PLEKHG5: variants seen among roughly 807,000 people sequenced by gnomAD.
The protein encoded by PLEKHG5 is pleckstrin homology and RhoGEF domain containing G5.
PLEKHG5 carries 52 observed loss-of-function variants against 103.8 expected under a neutral mutation model. The observed-to-expected ratio is 0.50, with a 90% CI of 0.40 to 0.63. PLEKHG5 has a LOEUF of 0.63. PLEKHG5 is among the 30% of genes least tolerant of loss of function. The probability of loss-of-function intolerance (pLI) is 0.00; values close to 1 mark genes in which losing one functional copy is unlikely to be tolerated. For synonymous variants in PLEKHG5, 592 were observed against 575.5 expected (o/e 1.03, Z -0.41); for missense variants, 1,205 against 1,347.6 (o/e 0.89, Z 1.66).
intron 1 of PLEKHG5, 35 bp from the exon 2 acceptor site, chr1:6,477,693 G>A (rs761696665): frequency 4.1e-5 from 66 of 1,594,254 alleles, no homozygotes; most frequent in Non-Finnish European, 5.0e-5. Flanking sequence ...GGAGGTCCAC[G>A]AGATCCACCA....
intron 9 of PLEKHG5, 107 bp from the exon 10 acceptor site, chr1:6,472,729 G>T: frequency 1.2e-6 from 1 of 827,438 alleles, no homozygotes; most frequent in Non-Finnish European, 2.0e-6. Context: ...TGGGGACATG[G>T]AGGTCCCAAG....
In PLEKHG5 at chr1:6,487,906, T is replaced by C. The variant is rs993769086; in HGVS notation, c.-88+3731A>G. 7.9e-5 allele frequency among the ~76,000 whole-genome samples: 12 copies of C among 152,144 alleles called. No homozygotes were observed. The highest frequency in any genetic ancestry group is 2.4e-4 in the African/African-American group (10 of 41,428). Reference sequence around the variant, plus strand: ...GTGCGCTTGGTGGGGATGAGATCAGTGAACAGATGAAGGCAGAAGGGCCTT... The same window carrying C: ...GTGCGCTTGGTGGGGATGAGATCAGCGAACAGATGAAGGCAGAAGGGCCTT... On this transcript the variant is annotated intron_variant, in intron 1 of 20. Transcript: ENST00000377728. The surrounding 1 kb of genome is among the most constrained non-coding windows in gnomAD (Gnocchi z 4.1).
upstream of PLEKHG5, among the ~76,000 whole-genome samples, chr1:6,499,135 C>T (rs1227124598): frequency 6.6e-6 from 1 of 152,202 alleles, no homozygotes; most frequent in Admixed American, 6.5e-5. Flanking sequence ...GTTCTCAAAA[C>T]TCTGAGCCTG....
chr1:6,501,347 C>T (rs1196590099), upstream of PLEKHG5, among the ~76,000 whole-genome samples: 1 of 152,214 alleles, frequency 6.6e-6, no homozygotes, highest in Non-Finnish European at 1.5e-5. This position sits in a 1 kb window ranked among gnomAD's most constrained non-coding sequence, Gnocchi z 4.3. Context: ...GCCATCCTGC[C>T]CACTCTTCAA....
At chr1:6,485,702 C>T (rs867240400) in intron 1 of PLEKHG5, 1 of 333,138 alleles carries the variant, frequency 3.0e-6, no homozygotes, top group South Asian at 1.4e-4. Context: ...GACCCCCCGC[C>T]TCCCCGCCTC....
At chr1:6,478,517 G>A (rs956680459) in intron 1 of PLEKHG5, among the ~76,000 whole-genome samples, 7 of 152,152 alleles carry the variant, frequency 4.6e-5, no homozygotes, top group Admixed American at 4.6e-4. Context: ...AGCTACGGCT[G>A]ACTTTCTTTC....
upstream of PLEKHG5, among the ~76,000 whole-genome samples, chr1:6,495,284 GC>G (rs1297386228): frequency 6.6e-6 from 1 of 152,234 alleles, no homozygotes; most frequent in East Asian, 1.9e-4. Flanking sequence ...ACATCACACC[GC>G]CCCCCTGCCT....
At chr1:6,481,093 C>A (rs905039284) in intron 1 of PLEKHG5, among the ~76,000 whole-genome samples, 1 of 152,152 alleles carries the variant, frequency 6.6e-6, no homozygotes, top group South Asian at 2.1e-4. Context: ...AGCTAGATGA[C>A]AACAATGGCC....
intron 1 of PLEKHG5, among the ~76,000 whole-genome samples, chr1:6,480,807 C>T (rs1644879241): frequency 6.6e-6 from 1 of 151,856 alleles, no homozygotes; most frequent in African/African-American, 2.4e-5. Flanking sequence ...TACCACCATA[C>T]CCAGCTAATT....
At chr1:6,500,890 C>T (rs1441350032), upstream of PLEKHG5, among the ~76,000 whole-genome samples, 1 of 152,198 alleles carries the variant, frequency 6.6e-6, no homozygotes, top group Non-Finnish European at 1.5e-5. Context: ...GCCAGTTCTC[C>T]CCCGACCCTG....
At chr1:6,471,949 A>T in intron 10 of PLEKHG5, 141 bp from the exon 11 acceptor site, 1 of 861,654 alleles carries the variant, frequency 1.2e-6, no homozygotes, top group South Asian at 1.5e-5. Flanking sequence ...AGAAGGCTGT[A>T]CCCTTTGGCC....
chr1:6,500,480 C>T (rs1191637366), upstream of PLEKHG5, among the ~76,000 whole-genome samples: 1 of 152,130 alleles, frequency 6.6e-6, no homozygotes, highest in African/African-American at 2.4e-5. Flanking sequence ...GTCTGCTCCC[C>T]GACCTCAGCC....
chr1:6,495,286 C>A (rs1645207703), upstream of PLEKHG5, among the ~76,000 whole-genome samples: 1 of 152,350 alleles, frequency 6.6e-6, no homozygotes, highest in East Asian at 1.9e-4. Flanking sequence ...ATCACACCGC[C>A]CCCCTGCCTG....
In PLEKHG5 at chr1:6,477,534, G is replaced by A. The variant is rs776271244; in HGVS notation, c.38C>T (p.Pro13Leu). The A allele has an allele frequency of 9.3e-6, 15 of 1,611,726 alleles. No individual in the cohort carries two copies. The Admixed American group carries it at 1.0e-4, about 11-fold the overall frequency. The change falls in exon 2 of 21, where the codon CCA (proline) becomes CTA (leucine). Residue 13 changes from proline to leucine, a missense_variant. Physicochemically the swap from Pro to Leu is moderately conservative, Grantham distance 98 (BLOSUM62 -3). Transcript: ENST00000377728. ...CGGCTCCCGCCTGTGCTCACCTTGT[G>A]GGGGAAGGTCGAAGCGGACATGCCC... ...YDGHVRFDLP[P>L]QGSVLARNVS...
chr1:6,516,628 G>A (rs1032702096), intron 1 of PLEKHG5, among the ~76,000 whole-genome samples: 3 of 152,006 alleles, frequency 2.0e-5, no homozygotes, highest in African/African-American at 7.2e-5. Context: ...CTGCACTCCA[G>A]CCTGGGCAAC....
At chr1:6,516,922 A>ACCCACC (rs1458791030) in intron 1 of PLEKHG5, among the ~76,000 whole-genome samples, 2,366 of 140,850 alleles carry the variant, frequency 0.017, 57 homozygotes, top group African/African-American at 0.035. Context: ...ACACACACAC[A>ACCCACC]CACATGTACA....
upstream of PLEKHG5, among the ~76,000 whole-genome samples, chr1:6,501,274 A>T (rs1038578661): frequency 3.5e-4 from 53 of 152,098 alleles, no homozygotes; most frequent in Middle Eastern, 3.4e-3. The surrounding 1 kb of genome is among the most constrained non-coding windows in gnomAD (Gnocchi z 4.3). Context: ...TTCTGACCCC[A>T]GCCCAGCCCT....
In PLEKHG5 at chr1:6,468,445, C is replaced by T. The variant is rs1330946628; in HGVS notation, c.2391G>A (p.Thr797=). ...CCAGGGGCAGCAGCTCACTGGTGGGCGTGGCAGATGAGGCAGTGGTGCTGA... is the reference window on the plus strand; with the variant it reads ...CCAGGGGCAGCAGCTCACTGGTGGGTGTGGCAGATGAGGCAGTGGTGCTGA... ...TSLSTTASSA[T]PTSELLPLGP... The change falls in exon 20 of 21, where the codon ACG becomes ACA. Residue 797 remains threonine (T), a synonymous_variant. Transcript: ENST00000377728. The T allele has an allele frequency of 9.9e-6, 16 of 1,612,688 alleles. No individual in the cohort carries two copies. Among genetic ancestry groups the T allele is most frequent in the African/African-American group, 1.3e-5 (1 of 74,858 alleles).
upstream of PLEKHG5, among the ~76,000 whole-genome samples, chr1:6,492,632 A>G (rs1172567795): frequency 2.0e-5 from 3 of 152,228 alleles, no homozygotes; most frequent in East Asian, 1.9e-4. Context: ...GCTAGGCTCT[A>G]TGCTAAGCAT....
Sources: allele counts gnomAD v4.1 joint callset (sites outside exome capture counted in the v4.1 genomes callset), GRCh38; gene constraint gnomAD v4.1.1; non-coding constraint Gnocchi (gnomAD v3.1); transcripts MANE v1.5; gene names NCBI Gene and HGNC (gene_info 2026-07-23, HGNC 2026-07-21).